The following ELP5 variants were observed in gnomAD, a reference collection of about 807,000 sequenced individuals.
ELP5 encodes the protein elongator complex protein 5.
Under a neutral mutation model 33.4 loss-of-function variants are expected in ELP5, and 34 were observed. The observed-to-expected ratio is 1.02, with a 90% CI of 0.78 to 1.36. ELP5 has a LOEUF of 1.36. ELP5 is among the 40% of genes most tolerant of loss of function. ELP5 has a pLI of 0.00. For synonymous variants in ELP5, 161 were observed against 146.4 expected, an observed-to-expected ratio of 1.10 and a Z score of -0.72; for missense variants, 373 against 371.7, an observed-to-expected ratio of 1.00 and a Z score of -0.03.
chr17:7,257,764 C>G (rs985223073), intron 5 of ELP5, among the ~76,000 whole-genome samples: 37 of 152,256 alleles, frequency 2.4e-4, no homozygotes, highest in Admixed American at 2.4e-3. Flanking sequence ...AAGTCACTTA[C>G]CAAGGTTATA....
intron 4 of ELP5, among the ~76,000 whole-genome samples, chr17:7,256,226 G>A (rs2072072237): frequency 6.6e-6 from 1 of 152,170 alleles, no homozygotes; most frequent in South Asian, 2.1e-4. Context: ...GCACGCGCCT[G>A]TAGTCCCAGC....
At chr17:7,258,786 T>A in intron 6 of ELP5, 40 bp from the exon 7 acceptor site, 2 of 1,614,144 alleles carry the variant, frequency 1.2e-6, no homozygotes, top group South Asian at 2.2e-5. Context: ...TCAGGGATTC[T>A]AGGGATGGGG....
intron 3 of ELP5, among the ~76,000 whole-genome samples, chr17:7,253,918 A>T (rs893378741): frequency 6.6e-6 from 1 of 150,970 alleles, no homozygotes; most frequent in Non-Finnish European, 1.5e-5. Context: ...AATCGCTTGA[A>T]CCCAGGAGGC....
At chr17:7,253,811 C>T (rs537682940) in intron 3 of ELP5, among the ~76,000 whole-genome samples, 46 of 152,252 alleles carry the variant, frequency 3.0e-4, no homozygotes, top group African/African-American at 1.1e-3. Context: ...GCCTGACCAA[C>T]ATGGAGAAAC....
At chr17:7,255,099 AGACT>A (rs987670448) in intron 4 of ELP5, among the ~76,000 whole-genome samples, 3 of 152,096 alleles carry the variant, frequency 2.0e-5, no homozygotes, top group Admixed American at 1.3e-4. Flanking sequence ...GGCAAAATAC[AGACT>A]GACTGTAGCT....
At position 7,252,486 on chromosome 17, in the gene ELP5, A is replaced by G. The variant is rs114076505; in HGVS notation, c.-65A>G. ...GTGCTCGGCCCGTTTCACCCCGAGG[A>G]GGAAGGACACTGGGTCATGACGCCA... On this transcript the variant is annotated 5_prime_UTR_variant, in exon 1 of 8. Coordinates refer to ENST00000396628, the MANE Select transcript of ELP5 (RefSeq NM_203414.3). 1,607 of 1,612,616 alleles carry G rather than the reference A, an allele frequency of 1.0e-3. 16 individuals are homozygous for G. The African/African-American group carries it at 0.019, about 20-fold the overall frequency.
At chr17:7,253,050 G>C in intron 3 of ELP5, 52 bp downstream of exon 3, 2 of 1,576,690 alleles carry the variant, frequency 1.3e-6, no homozygotes, top group Non-Finnish European at 1.7e-6. Flanking sequence ...ATAATGCTAA[G>C]GAAATTTCTT....
chr17:7,254,533 C>T, intron 3 of ELP5, 50 bp from the exon 4 acceptor site: 7 of 1,378,690 alleles, frequency 5.1e-6, no homozygotes, highest in Non-Finnish European at 7.0e-6. Flanking sequence ...CTTTGTGATC[C>T]TCTCGGGGGA....
At chr17:7,253,128 A>C (rs2074219) in intron 3 of ELP5, 130 bp downstream of exon 3, 1 of 858,856 alleles carries the variant, frequency 1.2e-6, no homozygotes. Flanking sequence ...TTGGATATGG[A>C]TCTTTCAGGA....
chr17:7,254,252 A>G (rs1286482336), intron 3 of ELP5, among the ~76,000 whole-genome samples: 1 of 152,230 alleles, frequency 6.6e-6, no homozygotes, highest in Non-Finnish European at 1.5e-5. Flanking sequence ...AATGGTGATA[A>G]CTAACATTTA....
intron 4 of ELP5, chr17:7,255,063 A>G: frequency 3.5e-6 from 2 of 569,448 alleles, no homozygotes; most frequent in Non-Finnish European, 3.1e-6. Context: ...AATATATACA[A>G]TGTGTCAGGT....
chr17:7,258,505 T>C lies in ELP5; in HGVS notation c.592-83T>C, dbSNP rs1192448221. On this transcript the variant is annotated intron_variant, in intron 5 of 7. Transcript: ENST00000396628. ...TGAAAGCAGTCAGTTAAATAGGTGA[T>C]TGGGGGCTGAGGATGTGAGGTCCTG... The C allele has an allele frequency of 2.8e-5, 37 of 1,341,848 alleles. No homozygotes were observed. The East Asian group carries it at 7.2e-4, about 26-fold the overall frequency. The allele number at this position is 1,341,848 out of a possible 1,614,324, so 83.1% of individuals were successfully genotyped here. A position where few individuals can be genotyped will look rare whatever the true frequency, so the allele number is the denominator to read the frequency against.
intron 5 of ELP5, among the ~76,000 whole-genome samples, chr17:7,258,223 C>T (rs1392204450): frequency 6.6e-6 from 1 of 152,090 alleles, no homozygotes; most frequent in Non-Finnish European, 1.5e-5. Flanking sequence ...CCGAAGTGGG[C>T]AGATCACCTG....
At chr17:7,256,293 A>G (rs1471303584) in intron 4 of ELP5, among the ~76,000 whole-genome samples, 3 of 152,094 alleles carry the variant, frequency 2.0e-5, no homozygotes, top group African/African-American at 2.4e-5. Flanking sequence ...CAGTAAGCCA[A>G]GATTGCGCCA....
Position 7,254,627 on chromosome 17 carries a change from A to ATC in ELP5, c.233_234insTC (p.Lys78AsnfsTer15). 2 of 1,614,096 alleles carry ATC rather than the reference A, an allele frequency of 1.2e-6. No individual in the cohort carries two copies. The highest frequency in any genetic ancestry group is 1.7e-6 in the Non-Finnish European group (2 of 1,179,976). On this transcript the variant is annotated frameshift_variant, in exon 4 of 8. Coordinates refer to ENST00000396628, the MANE Select transcript of ELP5 (RefSeq NM_203414.3). LOFTEE classifies it high-confidence loss of function. ...TTCAGAGACCCTCTCAACTGGTCAA[A>ATC]AACTGAGGAGGCCTTTCCTGGGGGG...
rs2072173055 is a variant in ELP5, at chr17:7,259,847, C to G, written c.*162C>G. ...TGTGAGCCAGGAAGCAGCGTCTCAT[C>G]AGGACAGAAGGTAGGATGAAGACAT... On this transcript the variant is annotated 3_prime_UTR_variant, in exon 8 of 8. Transcript: ENST00000396628. 1.5e-6 allele frequency: 2 copies of G among 1,300,384 alleles called. No homozygotes were observed. Among genetic ancestry groups the G allele is most frequent in the Admixed American group, 4.8e-5 (2 of 41,894 alleles). The allele number at this position is 1,300,384 out of a possible 1,614,324, so 80.6% of individuals were successfully genotyped here. A position where few individuals can be genotyped will look rare whatever the true frequency, so the allele number is the denominator to read the frequency against.
rs1303415169 is a variant in ELP5, at chr17:7,256,983, G to A, written c.536G>A (p.Gly179Asp). Reference sequence around the variant, plus strand: ...GAGGTGACCCTGGGCGGTACCATGGGCCAGGCCTCGGCCCACATCCTGTGT... The same window carrying A: ...GAGGTGACCCTGGGCGGTACCATGGACCAGGCCTCGGCCCACATCCTGTGT... ...QTEVTLGGTM[G>D]QASAHILCRR... is the part of the protein sequence containing the mutation. The change falls in exon 5 of 8, where the codon GGC becomes GAC. Residue 179 changes from glycine (G) to aspartate (D), a missense_variant. Gly to Asp is a moderately conservative substitution (Grantham distance 94, BLOSUM62 -1). Coordinates refer to ENST00000396628, the MANE Select transcript of ELP5 (RefSeq NM_203414.3). 7 of 1,611,346 alleles carry A rather than the reference G, an allele frequency of 4.3e-6. No homozygotes were observed. Among genetic ancestry groups the A allele is most frequent in the African/African-American group, 2.7e-5 (2 of 74,910 alleles).
intron 3 of ELP5, among the ~76,000 whole-genome samples, chr17:7,253,750 C>G (rs909856503): frequency 6.6e-6 from 1 of 152,176 alleles, no homozygotes; most frequent in Admixed American, 6.5e-5. Context: ...AATCCCAGCA[C>G]TTTGGGAGGC....
At position 7,259,753 on chromosome 17, in the gene ELP5, C is replaced by T. The variant is rs1050097; in HGVS notation, c.*68C>T. On this transcript the variant is annotated 3_prime_UTR_variant, in exon 8 of 8. Transcript: ENST00000396628. ...AGACTTTGGGCCCAGAACCATCTTT[C>T]TATTGTTTGTGTTAGCCTTACCCTG... 6 of 1,598,104 alleles carry T rather than the reference C, an allele frequency of 3.8e-6. No homozygotes were observed. The highest frequency in any genetic ancestry group is 5.1e-6 in the Non-Finnish European group (6 of 1,172,754).
Sources: gnomAD v4.1 joint callset for allele counts (sites outside exome capture counted in the v4.1 genomes callset) on GRCh38, gnomAD v4.1.1 for gene constraint, MANE v1.5 for transcripts, NCBI Gene and HGNC (gene_info 2026-07-23, HGNC 2026-07-21) for gene names.